The following GRK7 variants were observed in gnomAD, a reference collection of about 807,000 sequenced individuals.
GRK7 encodes the protein rhodopsin kinase GRK7.
GRK7 carries 24 observed loss-of-function variants against 34.1 expected under a neutral mutation model. That is an observed-to-expected ratio of 0.70 (90% CI 0.51 to 0.99). The LOEUF (loss-of-function observed/expected upper bound fraction) is 0.99, where lower values mean the gene tolerates loss of function less well. GRK7 is among the 50% of genes least tolerant of loss of function. The pLI, the probability that GRK7 is intolerant of heterozygous loss-of-function variation, is 0.00. For missense variants in GRK7, 644 were observed against 707.3 expected (o/e 0.91, Z 1.02); for synonymous variants, 256 against 279.4 (o/e 0.92, Z 0.84).
At chr3:141,786,577 A>G (rs1003267229) in intron 4 of GRK7, among the ~76,000 whole-genome samples, 1 of 152,128 alleles carries the variant, frequency 6.6e-6, no homozygotes, top group Non-Finnish European at 1.5e-5. Flanking sequence ...GGAGATCAAG[A>G]CCACGCTGGC....
At chr3:141,757,039 C>T in the GRK7 span, among the ~76,000 whole-genome samples, 1 of 151,886 alleles carries the variant, frequency 6.6e-6, no homozygotes, top group Admixed American at 6.6e-5. Flanking sequence ...GGAGCTACCC[C>T]CAATTATAAG....
chr3:141,756,267 G>A, the GRK7 span, among the ~76,000 whole-genome samples: 5 of 146,890 alleles, frequency 3.4e-5, no homozygotes, highest in South Asian at 2.2e-4. Flanking sequence ...AGCTGAGATC[G>A]TGCTACTGCA....
chr3:141,785,760 T>A (rs1327312194), intron 4 of GRK7, among the ~76,000 whole-genome samples: 3 of 146,804 alleles, frequency 2.0e-5, no homozygotes, highest in Non-Finnish European at 4.5e-5. Context: ...AAAGAGTCTG[T>A]CTCAAAAAAA....
chr3:141,755,634 C>T, the GRK7 span, among the ~76,000 whole-genome samples: 2 of 152,278 alleles, frequency 1.3e-5, 1 homozygote, highest in Middle Eastern at 6.8e-3. Context: ...CAATGAAACA[C>T]CACTATATAC....
At chr3:141,806,694 A>G (rs1465879234) in intron 4 of GRK7, among the ~76,000 whole-genome samples, 2 of 152,086 alleles carry the variant, frequency 1.3e-5, no homozygotes, top group African/African-American at 2.4e-5. Flanking sequence ...AGTCAAATTC[A>G]TAGAGAGAGA....
In GRK7 at chr3:141,779,203, C is replaced by T. The variant is rs147809793; in HGVS notation, c.612+307C>T. Among the ~76,000 whole-genome samples the T allele has an allele frequency of 5.7e-3, 869 of 152,050 alleles. 5 individuals carry two copies. The highest frequency in any genetic ancestry group is 0.01 in the Non-Finnish European group (692 of 67,978). ...ATAGCAATGTGTGACAGAAGATCTC[C>T]GTTTCCCCTAAATTGTGATAATGAA... On this transcript the variant is annotated intron_variant, in intron 3 of 5. Transcript: ENST00000682958.
chr3:141,779,423 A>AAAAG lies in GRK7; in HGVS notation c.612+539_612+542dup, dbSNP rs1553735435. Among the ~76,000 whole-genome samples, 515 of 150,596 alleles carry AAAAG rather than the reference A, an allele frequency of 3.4e-3. 6 individuals are homozygous for AAAAG. The highest frequency in any genetic ancestry group is 5.1e-3 in the Non-Finnish European group (344 of 67,458). ...AGAGCAAGACTCAAAAAAAAAAAAAAAAAGAAAGAAAGAAAAGAAAGAAAA... is the reference window on the plus strand; with the variant it reads ...AGAGCAAGACTCAAAAAAAAAAAAAAAAAGAAAGAAAGAAAGAAAAGAAAGAAAA... On this transcript the variant is annotated intron_variant, in intron 3 of 5. Transcript: ENST00000682958.
the GRK7 span, among the ~76,000 whole-genome samples, chr3:141,752,752 C>A: frequency 1.3e-5 from 2 of 152,114 alleles, no homozygotes; most frequent in African/African-American, 4.8e-5. Context: ...TGCCATGGAC[C>A]AAATTGTGTC....
At chr3:141,808,187 G>T (rs971702936) in intron 5 of GRK7, among the ~76,000 whole-genome samples, 3 of 152,148 alleles carry the variant, frequency 2.0e-5, no homozygotes, top group African/African-American at 7.2e-5. Context: ...TAATTCAAAT[G>T]GTTGTATAGA....
At position 141,780,743 on chromosome 3, in the gene GRK7, G is replaced by C. The variant is rs146426108; in HGVS notation, c.982G>C (p.Gly328Arg). 1 of 1,614,046 alleles carries C rather than the reference G, an allele frequency of 6.2e-7. No individual in the cohort carries two copies. Among genetic ancestry groups the C allele is most frequent in the South Asian group, 1.1e-5 (1 of 91,090 alleles). ...TGAGAATGTGCTTCTGGATGACCTC[G>C]GCAACTGCAGGTTATCTGACCTGGG... ...KPENVLLDDL[G>R]NCRLSDLGLA... is the part of the protein sequence containing the mutation. Residue 328 changes from glycine (G) to arginine (R), a missense_variant, in exon 4 of 6, where the codon GGC becomes CGC. Physicochemically the swap from Gly to Arg is moderately radical, Grantham distance 125. Coordinates refer to ENST00000682958, the MANE Select transcript of GRK7 (RefSeq NM_139209.3).
intron 1 of GRK7, among the ~76,000 whole-genome samples, chr3:141,768,065 T>G (rs1436474986): frequency 6.6e-6 from 1 of 152,206 alleles, no homozygotes; most frequent in Non-Finnish European, 1.5e-5. Context: ...CATTCCTCTA[T>G]GTTCCCCTTG....
Position 141,764,345 on chromosome 3 carries a change from A to G in GRK7, c.-1608A>G, listed in dbSNP as rs1315463013. On this transcript the variant is annotated 5_prime_UTR_variant, in exon 1 of 6. The change abolishes the stop of an existing upstream ORF in the 5' untranslated region. Coordinates refer to ENST00000682958, the MANE Select transcript of GRK7 (RefSeq NM_139209.3). ...AATTCATTGATTCTCTGTTGAACTG[A>G]CTCTCATAAGGTTTTCATCCCACTA... Among the ~76,000 whole-genome samples, 1 of 151,922 alleles carries G rather than the reference A, an allele frequency of 6.6e-6. No homozygotes were observed. The highest frequency in any genetic ancestry group is 1.5e-5 in the Non-Finnish European group (1 of 67,996).
intron 4 of GRK7, among the ~76,000 whole-genome samples, chr3:141,782,914 T>G (rs1029361872): frequency 6.6e-6 from 1 of 152,104 alleles, no homozygotes; most frequent in Non-Finnish European, 1.5e-5. Flanking sequence ...AAAACCCAAA[T>G]AACAATAGAT....
chr3:141,780,626 G>A lies in GRK7; in HGVS notation c.865G>A (p.Asp289Asn). 1 of 1,614,218 alleles carries A rather than the reference G, an allele frequency of 6.2e-7. No homozygotes were observed. The stretch of plus-strand genomic sequence containing the variant: ...CTACAACGTGGGCACGCGTGGCCTG[G>A]ACATGAGCCGGGTGATCTTTTACTC... ...HIYNVGTRGL[D>N]MSRVIFYSAQ... The change falls in exon 4 of 6, where the codon GAC becomes AAC. Residue 289 changes from aspartate to asparagine, a missense_variant. Asp to Asn is a conservative substitution (Grantham distance 23). Coordinates refer to ENST00000682958, the MANE Select transcript of GRK7 (RefSeq NM_139209.3).
intron 1 of GRK7, among the ~76,000 whole-genome samples, chr3:141,768,330 A>G (rs1464010257): frequency 6.7e-6 from 1 of 150,142 alleles, no homozygotes; most frequent in East Asian, 2.0e-4. Flanking sequence ...CAGTGGTGCA[A>G]TCTTGGCTCA....
At chr3:141,760,566 TG>T (rs2084551030), upstream of GRK7, among the ~76,000 whole-genome samples, 1 of 146,352 alleles carries the variant, frequency 6.8e-6, no homozygotes, top group Non-Finnish European at 1.5e-5. Context: ...AGGTGTGGTG[TG>T]GTGCTGAAAA....
the GRK7 span, among the ~76,000 whole-genome samples, chr3:141,750,309 C>T: frequency 2.0e-5 from 3 of 152,278 alleles, no homozygotes; most frequent in African/African-American, 7.2e-5. Context: ...TCTGCTTTTC[C>T]TGTATTGGTT....
the GRK7 span, among the ~76,000 whole-genome samples, chr3:141,752,952 C>T: frequency 1.3e-5 from 2 of 152,204 alleles, no homozygotes; most frequent in Admixed American, 6.5e-5. Context: ...AGCCATCAAC[C>T]CTGCTGGCAC....
chr3:141,783,830 C>G (rs909278456), intron 4 of GRK7, among the ~76,000 whole-genome samples: 1 of 152,102 alleles, frequency 6.6e-6, no homozygotes, highest in Non-Finnish European at 1.5e-5. Flanking sequence ...TGAAGTAACA[C>G]CGTCTCCTCT....
Sources: gnomAD v4.1 joint callset for allele counts (sites outside exome capture counted in the v4.1 genomes callset) on GRCh38, gnomAD v4.1.1 for gene constraint, MANE v1.5 for transcripts, NCBI Gene and HGNC (gene_info 2026-07-23, HGNC 2026-07-21) for gene names.